Variants in COMMD10 observed in about 807,000 individuals in gnomAD.
The protein encoded by COMMD10 is COMM domain containing 10, also known as COMM domain-containing protein 10.
In COMMD10, 33 loss-of-function variants were observed where a neutral mutation model predicts 28.9. That is an observed-to-expected ratio of 1.14 (90% CI 0.87 to 1.53). The LOEUF is 1.53. COMMD10 is among the 40% of genes most tolerant of loss of function. The pLI is 0.00. For synonymous variants in COMMD10, 110 were observed against 81.7 expected (o/e 1.35, Z -1.87); for missense variants, 310 against 233.4 (o/e 1.33, Z -2.14).
chr5:116,093,291 G>T (rs967747039), intron 4 of COMMD10, among the ~76,000 whole-genome samples: 1 of 152,194 alleles, frequency 6.6e-6, no homozygotes, highest in African/African-American at 2.4e-5. Context: ...TAGTGAGTAG[G>T]TAATCACACT....
chr5:116,189,952 G>C (rs1010163393), intron 5 of COMMD10, among the ~76,000 whole-genome samples: 1 of 152,088 alleles, frequency 6.6e-6, no homozygotes, highest in Admixed American at 6.6e-5. Context: ...ATTTTTCTTT[G>C]AAGAATCTTT....
At chr5:116,268,344 G>C (rs1334933421) in intron 5 of COMMD10, among the ~76,000 whole-genome samples, 1 of 151,798 alleles carries the variant, frequency 6.6e-6, no homozygotes, top group Non-Finnish European at 1.5e-5. Context: ...AAAAACACAT[G>C]AAAAAATGCT....
At chr5:116,280,518 G>C (rs1751041765) in intron 5 of COMMD10, among the ~76,000 whole-genome samples, 1 of 151,838 alleles carries the variant, frequency 6.6e-6, no homozygotes. Flanking sequence ...CAGACATAAA[G>C]AAGGATCTTT....
Position 116,092,554 on chromosome 5 carries a change from C to A in COMMD10, c.253C>A (p.His85Asn). 1 of 1,595,132 alleles carries A rather than the reference C, an allele frequency of 6.3e-7. No homozygotes were observed. Among genetic ancestry groups the A allele is most frequent in the Non-Finnish European group, 8.5e-7 (1 of 1,171,042 alleles). Reference sequence around the variant, plus strand: ...TGTTTCTTTTTAATAGGCAGTGTATCACAATGTGAAGCCAGCAGCTTTGCA... The same window carrying A: ...TGTTTCTTTTTAATAGGCAGTGTATAACAATGTGAAGCCAGCAGCTTTGCA... ...ISFILEQAVY[H>N]NVKPAALQQQ... Residue 85 changes from histidine (H) to asparagine (N), a missense_variant, in exon 4 of 7, where the codon CAC (histidine) becomes AAC (asparagine). By Grantham distance (68) the His-to-Asn change is moderately conservative. Coordinates refer to ENST00000274458, the MANE Select transcript of COMMD10 (RefSeq NM_016144.4).
intron 5 of COMMD10, among the ~76,000 whole-genome samples, chr5:116,234,200 A>G (rs1749599835): frequency 6.6e-6 from 1 of 152,146 alleles, no homozygotes; most frequent in South Asian, 2.1e-4. Context: ...CAGGCAGGGA[A>G]ATTCTCAGCA....
intron 5 of COMMD10, among the ~76,000 whole-genome samples, chr5:116,232,817 T>C (rs1411209865): frequency 6.6e-6 from 1 of 152,174 alleles, no homozygotes; most frequent in Admixed American, 6.5e-5. Flanking sequence ...GGGTACTCTT[T>C]TAATTGCTTT....
intron 5 of COMMD10, among the ~76,000 whole-genome samples, chr5:116,189,618 C>T (rs4312923): frequency 0.98 from 148,952 of 152,262 alleles, 72,939 homozygotes; most frequent in East Asian, 1. Flanking sequence ...GAAAAATTGG[C>T]CTTAATCCCT....
intron 5 of COMMD10, among the ~76,000 whole-genome samples, chr5:116,195,024 T>A (rs1748471647): frequency 6.6e-6 from 1 of 152,148 alleles, no homozygotes; most frequent in South Asian, 2.1e-4. Flanking sequence ...TACAAGTCAA[T>A]AAATGTGATT....
intron 4 of COMMD10, among the ~76,000 whole-genome samples, chr5:116,105,913 C>G (rs1750824891): frequency 1.4e-5 from 2 of 144,898 alleles, no homozygotes; most frequent in Admixed American, 6.8e-5. Flanking sequence ...AAACCAGCTC[C>G]TGGATTCATT....
intron 5 of COMMD10, chr5:116,218,160 C>A (rs1749153253): frequency 3.1e-6 from 3 of 964,042 alleles, no homozygotes; most frequent in African/African-American, 1.6e-5. Flanking sequence ...CCCTTCTTTG[C>A]AGGGGCCTTT....
At chr5:116,189,578 A>C (rs924065222) in intron 5 of COMMD10, among the ~76,000 whole-genome samples, 4 of 152,162 alleles carry the variant, frequency 2.6e-5, no homozygotes, top group Non-Finnish European at 5.9e-5. Flanking sequence ...ATTCTTTGTG[A>C]CCAAGAACTG....
At chr5:116,144,865 A>G (rs1752296762) in intron 5 of COMMD10, among the ~76,000 whole-genome samples, 1 of 151,814 alleles carries the variant, frequency 6.6e-6, no homozygotes. Flanking sequence ...CAGTAAATGG[A>G]GATACTAGAG....
chr5:116,168,799 G>T (rs188301727), intron 5 of COMMD10, among the ~76,000 whole-genome samples: 1 of 152,104 alleles, frequency 6.6e-6, no homozygotes, highest in Non-Finnish European at 1.5e-5. Flanking sequence ...AAGACACAAT[G>T]TACCAGAATC....
chr5:116,184,750 G>A (rs770399912), intron 5 of COMMD10, among the ~76,000 whole-genome samples: 2 of 152,038 alleles, frequency 1.3e-5, no homozygotes, highest in East Asian at 3.9e-4. Context: ...GTTTTTAATG[G>A]TATGTATGAG....
At chr5:116,139,924 A>G (rs1752141834) in intron 5 of COMMD10, among the ~76,000 whole-genome samples, 1 of 151,626 alleles carries the variant, frequency 6.6e-6, no homozygotes, top group African/African-American at 2.4e-5. Context: ...TTCCTAGCAA[A>G]ATTTCAGTTT....
chr5:116,259,006 T>A (rs1006856190), intron 5 of COMMD10, among the ~76,000 whole-genome samples: 1 of 151,724 alleles, frequency 6.6e-6, no homozygotes, highest in African/African-American at 2.4e-5. Context: ...GGATTCTGAA[T>A]AATCTTTTGT....
intron 3 of COMMD10, 116 bp from the exon 4 acceptor site, chr5:116,092,429 G>A (rs1373289090): frequency 3.2e-6 from 2 of 621,948 alleles, no homozygotes; most frequent in Non-Finnish European, 5.1e-6. Flanking sequence ...TTGGTAATAG[G>A]ACTATGAAGT....
intron 5 of COMMD10, among the ~76,000 whole-genome samples, chr5:116,259,203 C>G (rs111979519): frequency 0.054 from 8,173 of 151,242 alleles, 404 homozygotes; most frequent in African/African-American, 0.11. Context: ...CCTGGGATTA[C>G]AGGTGCACGC....
Position 116,092,576 on chromosome 5 carries a change from T to G in COMMD10, c.275T>G (p.Leu92Trp). 6.2e-7 allele frequency: 1 copy of G among 1,609,362 alleles called. No homozygotes were observed. The highest frequency in any genetic ancestry group is 8.5e-7 in the Non-Finnish European group (1 of 1,178,016). The part of the protein sequence containing the change: ...AVYHNVKPAA[L>W]QQQLENIHLR... ...TATCACAATGTGAAGCCAGCAGCTTTGCAGCAGCAATTAGAGAACATTCAT... is the reference window on the plus strand; with the variant it reads ...TATCACAATGTGAAGCCAGCAGCTTGGCAGCAGCAATTAGAGAACATTCAT... Residue 92 changes from leucine to tryptophan, a missense_variant, in exon 4 of 7, where the codon TTG (leucine) becomes TGG (tryptophan). Leu to Trp is a moderately conservative substitution (Grantham distance 61). Transcript: ENST00000274458.
Sources: allele counts gnomAD v4.1 joint callset (sites outside exome capture counted in the v4.1 genomes callset), GRCh38; gene constraint gnomAD v4.1.1; transcripts MANE v1.5; gene names NCBI Gene and HGNC (gene_info 2026-07-23, HGNC 2026-07-21).